Variants in CTNNBL1 observed in about 807,000 individuals in gnomAD.
The protein encoded by CTNNBL1 is beta-catenin-like protein 1.
In CTNNBL1, 31 loss-of-function variants were observed where a neutral mutation model predicts 72.7. The observed-to-expected ratio is 0.43, with a 90% CI of 0.32 to 0.58. CTNNBL1 has a LOEUF of 0.58. CTNNBL1 is among the 20% of genes least tolerant of loss of function. CTNNBL1 has a pLI of 0.08. For synonymous variants in CTNNBL1, 240 were observed against 267.3 expected (o/e 0.90, Z 1.00); for missense variants, 534 against 725.1 (o/e 0.74, Z 3.03).
At chr20:37,847,054 T>A (rs1182002643) in intron 13 of CTNNBL1, among the ~76,000 whole-genome samples, 1 of 152,186 alleles carries the variant, frequency 6.6e-6, no homozygotes, top group Non-Finnish European at 1.5e-5. Flanking sequence ...TTAAGGAAGA[T>A]ACGGCGAGTC....
chr20:37,749,315 T>C (rs1354777398), intron 4 of CTNNBL1, among the ~76,000 whole-genome samples: 1 of 152,238 alleles, frequency 6.6e-6, no homozygotes, highest in Non-Finnish European at 1.5e-5. Context: ...AAAATAATAG[T>C]AGCTGCTTTT....
At chr20:37,761,864 G>A (rs114921855) in intron 5 of CTNNBL1, among the ~76,000 whole-genome samples, 1,852 of 152,298 alleles carry the variant, frequency 0.012, 40 homozygotes, top group African/African-American at 0.042. Context: ...ATGGGAAAAG[G>A]GCAGAAGACC....
intron 7 of CTNNBL1, 143 bp downstream of exon 7, chr20:37,768,187 C>A: frequency 1.7e-6 from 1 of 595,890 alleles, no homozygotes. Flanking sequence ...CTTTCTTCTC[C>A]GTTTTTGTTC....
At chr20:37,816,341 A>G (rs1259231893) in intron 11 of CTNNBL1, among the ~76,000 whole-genome samples, 2 of 152,296 alleles carry the variant, frequency 1.3e-5, no homozygotes, top group South Asian at 2.1e-4. Flanking sequence ...GACGCTGAAC[A>G]TCTCCCTTTG....
At chr20:37,711,689 A>G (rs1227831462) in intron 1 of CTNNBL1, among the ~76,000 whole-genome samples, 1 of 151,732 alleles carries the variant, frequency 6.6e-6, no homozygotes. Flanking sequence ...AGGTTCTAGA[A>G]GGCCTCTTTG....
chr20:37,781,414 A>G (rs1226469060), intron 10 of CTNNBL1, among the ~76,000 whole-genome samples: 1 of 152,180 alleles, frequency 6.6e-6, no homozygotes, highest in South Asian at 2.1e-4. Flanking sequence ...ATAAATAACC[A>G]GAAATATGGA....
chr20:37,834,501 G>A (rs546071772), intron 11 of CTNNBL1, among the ~76,000 whole-genome samples: 1 of 152,290 alleles, frequency 6.6e-6, no homozygotes, highest in Non-Finnish European at 1.5e-5. Context: ...TGTTAAAACT[G>A]TTAATTTTTT....
intron 4 of CTNNBL1, among the ~76,000 whole-genome samples, chr20:37,747,753 T>A (rs1449140793): frequency 1.3e-5 from 2 of 152,064 alleles, no homozygotes; most frequent in African/African-American, 4.8e-5. Flanking sequence ...TTTTTTTTTA[T>A]TTAATTTTTT....
At chr20:37,770,573 G>A (rs1333429592) in intron 7 of CTNNBL1, among the ~76,000 whole-genome samples, 2 of 146,770 alleles carry the variant, frequency 1.4e-5, no homozygotes, top group African/African-American at 2.5e-5. Context: ...TTTTTTAATT[G>A]GTAACATAGG....
intron 3 of CTNNBL1, among the ~76,000 whole-genome samples, chr20:37,739,015 G>A (rs1325356713): frequency 6.6e-6 from 1 of 151,978 alleles, no homozygotes; most frequent in African/African-American, 2.4e-5. Context: ...ATAGATCAGG[G>A]CCCAGCTTAT....
chr20:37,830,128 A>AT (rs61037468), intron 11 of CTNNBL1, among the ~76,000 whole-genome samples: 123,522 of 151,192 alleles, frequency 0.82, 50,482 homozygotes, highest in Middle Eastern at 0.88. Context: ...GCCAACTGTA[A>AT]TTTTTTTTTT....
chr20:37,762,877 A>G (rs1008639510), intron 5 of CTNNBL1, among the ~76,000 whole-genome samples: 27 of 152,298 alleles, frequency 1.8e-4, no homozygotes, highest in African/African-American at 6.5e-4. Context: ...TAGAAGTTGG[A>G]TTTCCGTAGC....
chr20:37,805,802 C>T (rs1268793262), intron 11 of CTNNBL1, among the ~76,000 whole-genome samples: 2 of 152,202 alleles, frequency 1.3e-5, no homozygotes, highest in Admixed American at 1.3e-4. Flanking sequence ...ACTCTGCCTT[C>T]ATAGCCCTTG....
intron 6 of CTNNBL1, among the ~76,000 whole-genome samples, chr20:37,767,005 TC>T: frequency 6.6e-6 from 1 of 152,186 alleles, no homozygotes. Flanking sequence ...GCTTCGTGCT[TC>T]CCCTGCCTGG....
intron 1 of CTNNBL1, among the ~76,000 whole-genome samples, chr20:37,705,358 A>G (rs1333143069): frequency 1.3e-5 from 2 of 152,226 alleles, no homozygotes; most frequent in Non-Finnish European, 2.9e-5. Context: ...GGATATTGCT[A>G]AGTAGTACAG....
chr20:37,820,785 C>G (rs146979929), intron 11 of CTNNBL1, among the ~76,000 whole-genome samples: 1 of 152,164 alleles, frequency 6.6e-6, no homozygotes, highest in Non-Finnish European at 1.5e-5. Context: ...TCAGTTAAAC[C>G]TCCTTTCTTT....
At chr20:37,861,824 G>A (rs541715682) in intron 15 of CTNNBL1, among the ~76,000 whole-genome samples, 6 of 152,186 alleles carry the variant, frequency 3.9e-5, no homozygotes, top group Non-Finnish European at 8.8e-5. Context: ...GTTAGTGTGA[G>A]TGTTACAAAA....
intron 1 of CTNNBL1, among the ~76,000 whole-genome samples, chr20:37,730,754 A>G (rs2122594241): frequency 6.6e-6 from 1 of 152,340 alleles, no homozygotes; most frequent in South Asian, 2.1e-4. Context: ...AGGCAGGAGG[A>G]TTGCTGGAGC....
chr20:37,759,041 G>C (rs779191457), intron 5 of CTNNBL1, among the ~76,000 whole-genome samples: 1 of 152,228 alleles, frequency 6.6e-6, no homozygotes, highest in Admixed American at 6.5e-5. Flanking sequence ...TGAAGAACTG[G>C]CTCTTACAGA....
Sources: gnomAD v4.1 joint callset for allele counts (sites outside exome capture counted in the v4.1 genomes callset) on GRCh38, gnomAD v4.1.1 for gene constraint, MANE v1.5 for transcripts, NCBI Gene and HGNC (gene_info 2026-07-23, HGNC 2026-07-21) for gene names.